VAV2: variants seen among roughly 807,000 people sequenced by gnomAD.
The protein encoded by VAV2 is vav guanine nucleotide exchange factor 2.
A neutral mutation model predicts 132.5 loss-of-function variants in VAV2; 67 were observed. The observed-to-expected ratio is 0.51, with a 90% CI of 0.42 to 0.62. VAV2 has a LOEUF of 0.62. Among genes scored for constraint, VAV2 ranks in the 20% least tolerant of loss-of-function variants. The pLI is 0.00. For synonymous variants in VAV2, 492 were observed against 443.5 expected (o/e 1.11, Z -1.37); for missense variants, 938 against 1,153.6 (o/e 0.81, Z 2.71).
intron 4 of VAV2, among the ~76,000 whole-genome samples, chr9:133,816,018 T>A (rs1354853450): frequency 1.3e-5 from 2 of 152,208 alleles, no homozygotes; most frequent in Non-Finnish European, 2.9e-5. Flanking sequence ...GCCGGTCTTT[T>A]TCCATTCAGC....
chr9:133,921,147 CAG>C (rs1457794095), intron 2 of VAV2, among the ~76,000 whole-genome samples: 1 of 152,088 alleles, frequency 6.6e-6, no homozygotes, highest in East Asian at 1.9e-4. Flanking sequence ...GCGGGGGATA[CAG>C]AGTCAGCCCA....
chr9:133,952,220 G>A (rs578143849), intron 1 of VAV2, among the ~76,000 whole-genome samples: 1 of 152,232 alleles, frequency 6.6e-6, no homozygotes, highest in South Asian at 2.1e-4. Context: ...TTGAATGGGT[G>A]GGCCCCAAGG....
At chr9:133,880,163 C>T (rs1838431935) in intron 2 of VAV2, among the ~76,000 whole-genome samples, 2 of 152,230 alleles carry the variant, frequency 1.3e-5, no homozygotes, top group African/African-American at 4.8e-5. Flanking sequence ...ATCCCTCCAC[C>T]AGCCCCTTGC....
chr9:133,772,094 C>G, intron 25 of VAV2, 48 bp from the exon 26 acceptor site: 1 of 1,519,536 alleles, frequency 6.6e-7, no homozygotes, highest in Non-Finnish European at 9.1e-7. Flanking sequence ...GGCCACACGG[C>G]CCCGGCCCCC....
chr9:133,825,019 G>C (rs1317061159), intron 4 of VAV2, among the ~76,000 whole-genome samples: 4 of 152,212 alleles, frequency 2.6e-5, no homozygotes, highest in Non-Finnish European at 5.9e-5. Context: ...CGAGGAGCAA[G>C]AGACCCTTGG....
chr9:133,866,247 G>C (rs1348416328), intron 2 of VAV2, among the ~76,000 whole-genome samples: 1 of 152,146 alleles, frequency 6.6e-6, no homozygotes, highest in East Asian at 1.9e-4. Context: ...TCCCTTTCTA[G>C]TTCTAAGCCT....
intron 1 of VAV2, among the ~76,000 whole-genome samples, chr9:133,956,926 T>C (rs146881618): frequency 9.6e-4 from 146 of 152,338 alleles, no homozygotes; most frequent in Non-Finnish European, 1.8e-3. Context: ...GAGCTGGTAC[T>C]TCAGCAGGGA....
rs570519070 is a variant in VAV2, at chr9:133,840,903, T to C, written c.381-6563A>G. Among the ~76,000 whole-genome samples the C allele has an allele frequency of 8.5e-5, 13 of 152,200 alleles. No individual in the cohort carries two copies. The highest frequency in any genetic ancestry group is 4.2e-4 in the South Asian group (2 of 4,808). ...CCCACAGTCCAGAGGGAGGGGCACA[T>C]TGGACGCGCAGGGGTCTCCAAGCTG... is the stretch of plus-strand genomic sequence containing the variant. On this transcript the variant is annotated intron_variant, in intron 3 of 29. Transcript: ENST00000371850. This position sits in a 1 kb window ranked among gnomAD's most constrained non-coding sequence, Gnocchi z 4.5.
chr9:133,836,112 G>C (rs1448552109), intron 3 of VAV2, among the ~76,000 whole-genome samples: 2 of 152,194 alleles, frequency 1.3e-5, no homozygotes, highest in Non-Finnish European at 2.9e-5. Flanking sequence ...AGCCCCTCAA[G>C]GAATCCATCT....
At chr9:133,841,158 T>C (rs892032408) in intron 3 of VAV2, among the ~76,000 whole-genome samples, 1 of 152,096 alleles carries the variant, frequency 6.6e-6, no homozygotes, top group South Asian at 2.1e-4. Context: ...CACGCCTTAC[T>C]GTGCTTCCAT....
In VAV2 at chr9:133,763,905, C is replaced by T. The variant is rs1440793251; in HGVS notation, c.*157G>A. 7 of 867,706 alleles carry T rather than the reference C, an allele frequency of 8.1e-6. No homozygotes were observed. Among genetic ancestry groups the T allele is most frequent in the East Asian group, 2.6e-5 (1 of 38,264 alleles). The allele number at this position is 867,706 out of a possible 1,614,324, so 53.8% of individuals were successfully genotyped here. ...AGGGCAGGCTGACAGTGAAACGGTTCGAGTTTAGGATTCTCAACACCCTCC... is the reference window on the plus strand; with the variant it reads ...AGGGCAGGCTGACAGTGAAACGGTTTGAGTTTAGGATTCTCAACACCCTCC... On this transcript the variant is annotated 3_prime_UTR_variant, in exon 30 of 30. Coordinates refer to ENST00000371850, the MANE Select transcript of VAV2 (RefSeq NM_001134398.2). The surrounding 1 kb of genome is among the most constrained non-coding windows in gnomAD (Gnocchi z 6.8).
intron 5 of VAV2, among the ~76,000 whole-genome samples, chr9:133,811,293 G>C (rs1835349869): frequency 6.6e-6 from 1 of 152,264 alleles, no homozygotes; most frequent in Non-Finnish European, 1.5e-5. Flanking sequence ...GAGTGGGCAA[G>C]GCCTCTTTAG....
intron 3 of VAV2, among the ~76,000 whole-genome samples, chr9:133,842,037 C>T (rs889037839): frequency 1.3e-5 from 2 of 152,346 alleles, no homozygotes; most frequent in Admixed American, 1.3e-4. Flanking sequence ...TCCCACAGTA[C>T]ATCTGAACAA....
At chr9:133,898,713 C>G (rs920653016) in intron 2 of VAV2, among the ~76,000 whole-genome samples, 5 of 152,108 alleles carry the variant, frequency 3.3e-5, no homozygotes, top group African/African-American at 1.2e-4. Context: ...GCTTCCAGGC[C>G]TCATGAGGCC....
intron 3 of VAV2, among the ~76,000 whole-genome samples, chr9:133,843,281 C>T (rs1290314756): frequency 6.6e-6 from 1 of 152,156 alleles, no homozygotes; most frequent in Non-Finnish European, 1.5e-5. Context: ...CCTGGGGAAA[C>T]CAGGAAGGGC....
chr9:133,946,982 C>T (rs1283785201), intron 1 of VAV2, among the ~76,000 whole-genome samples: 1 of 152,090 alleles, frequency 6.6e-6, no homozygotes, highest in Non-Finnish European at 1.5e-5. Flanking sequence ...ATCTGGTAGA[C>T]GAACAAATGA....
At chr9:133,822,863 C>T (rs1434624734) in intron 4 of VAV2, among the ~76,000 whole-genome samples, 1 of 152,236 alleles carries the variant, frequency 6.6e-6, no homozygotes, top group African/African-American at 2.4e-5. Flanking sequence ...TCCCGGGCCA[C>T]AGCACAGGGT....
chr9:133,811,912 G>C (rs1835371827), intron 5 of VAV2, among the ~76,000 whole-genome samples: 1 of 152,192 alleles, frequency 6.6e-6, no homozygotes, highest in African/African-American at 2.4e-5. Context: ...AGTCAGCCAG[G>C]GTTTCCAAGG....
intron 2 of VAV2, among the ~76,000 whole-genome samples, chr9:133,892,166 G>T (rs533186184): frequency 2.2e-5 from 3 of 135,342 alleles, no homozygotes; most frequent in African/African-American, 8.5e-5. Flanking sequence ...ACAGAGGCCA[G>T]TGGTGCAGGG....
Sources: gnomAD v4.1 joint callset for allele counts (sites outside exome capture counted in the v4.1 genomes callset) on GRCh38, gnomAD v4.1.1 for gene constraint, Gnocchi (gnomAD v3.1) non-coding constraint, MANE v1.5 for transcripts, NCBI Gene and HGNC (gene_info 2026-07-23, HGNC 2026-07-21) for gene names.